ARHGEF12: variants seen among roughly 807,000 people sequenced by gnomAD.
ARHGEF12 encodes KMT2A/ARHGEF12 fusion protein.
A neutral mutation model predicts 211.2 loss-of-function variants in ARHGEF12; 66 were observed. The ratio of observed to expected loss-of-function variants is 0.31; its 90% CI spans 0.26 to 0.38. The LOEUF (loss-of-function observed/expected upper bound fraction) is 0.38, where lower values mean the gene tolerates loss of function less well. Among genes scored for constraint, ARHGEF12 ranks in the 10% least tolerant of loss-of-function variants. The pLI, the probability that ARHGEF12 is intolerant of heterozygous loss-of-function variation, is 1.00. For missense variants in ARHGEF12, 1,429 were observed against 1,869.5 expected, an observed-to-expected ratio of 0.76 and a Z score of 4.34; for synonymous variants, 592 against 638.4, an observed-to-expected ratio of 0.93 and a Z score of 1.09.
rs1277783751 is a variant in ARHGEF12 at position 120,446,565 on chromosome 11, TAAG to T, written c.1451+60_1451+62del. On this transcript the variant is annotated intron_variant, in intron 17 of 40. Transcript: ENST00000397843. ...ATTATTCTAAATTAATTTTTTTAGT[TAAG>T]AAAAAGTTGCTCATTAAATACTTAG... 2.2e-5 allele frequency: 30 copies of T among 1,365,040 alleles called. No individual in the cohort carries two copies. The East Asian group carries it at 7.5e-4, about 34-fold the overall frequency. 84.6% of individuals were successfully genotyped at this position (1,365,040 alleles called of 1,614,324 possible). A position where few individuals can be genotyped will look rare whatever the true frequency, so the allele number is the denominator to read the frequency against.
intron 8 of ARHGEF12, 131 bp downstream of exon 8, chr11:120,428,378 T>C (rs749999246): frequency 4.5e-5 from 34 of 756,524 alleles, no homozygotes; most frequent in African/African-American, 3.8e-4. Context: ...TTTACTAATA[T>C]AAAAATTACA....
chr11:120,385,592 G>A (rs652813), intron 1 of ARHGEF12: 465,548 of 531,022 alleles, frequency 0.88, 204,636 homozygotes, highest in East Asian at 1. Flanking sequence ...GAATAAAATA[G>A]AAAGGAAAAG....
In ARHGEF12 at chr11:120,356,821, A is replaced by C. The variant is rs182237146; in HGVS notation, c.32+19546A>C. Among the ~76,000 whole-genome samples, 486 of 152,254 alleles carry C rather than the reference A, an allele frequency of 3.2e-3. 7 individuals carry two copies. Among genetic ancestry groups the C allele is most frequent in the African/African-American group, 0.011 (471 of 41,548 alleles). On this transcript the variant is annotated intron_variant, in intron 1 of 40. Transcript: ENST00000397843. ...TAGTAACCCAACCATTAATCTCTCC[A>C]TGCAAAATACATGTATTGACTAAAA... is the stretch of plus-strand genomic sequence containing the variant.
At chr11:120,400,423 T>C (rs1944521822) in intron 1 of ARHGEF12, among the ~76,000 whole-genome samples, 1 of 152,174 alleles carries the variant, frequency 6.6e-6, no homozygotes, top group African/African-American at 2.4e-5. Context: ...TGGTGTTCAC[T>C]GAGGTGAGGA....
In ARHGEF12 at chr11:120,357,491, T is replaced by C. The variant is rs1943161743; in HGVS notation, c.32+20216T>C. On this transcript the variant is annotated intron_variant, in intron 1 of 40. Transcript: ENST00000397843. The stretch of plus-strand genomic sequence containing the variant: ...ATCACAGACAGCTTCATAGAGGAGA[T>C]GAATATATTTGCTGAATCCTGGAAT... Among the ~76,000 whole-genome samples the C allele has an allele frequency of 2.0e-5, 3 of 152,130 alleles. No individual in the cohort carries two copies. The South Asian group carries it at 6.2e-4, about 31-fold the overall frequency.
chr11:120,447,059 G>T lies in ARHGEF12; in HGVS notation c.1563G>T (p.Gln521His). ...AGAAGGAGCGGACATGTGCAGAACA[G>T]ATTGTTGCCAAAATTGAAGAAGTAT... ...TLEKERTCAE[Q>H]IVAKIEEVLM... Residue 521 changes from glutamine (Q) to histidine (H), a missense_variant, in exon 18 of 41, where the codon CAG becomes CAT. This residue lies in a region of ARHGEF12 where 373 missense variants were observed against 467.5 expected (regional missense o/e 0.80). Transcript: ENST00000397843. 6.2e-7 allele frequency: 1 copy of T among 1,613,944 alleles called. No individual in the cohort carries two copies. The highest frequency in any genetic ancestry group is 8.5e-7 in the Non-Finnish European group (1 of 1,179,918).
At chr11:120,394,324 C>T (rs902402273) in intron 1 of ARHGEF12, among the ~76,000 whole-genome samples, 1 of 151,606 alleles carries the variant, frequency 6.6e-6, no homozygotes, top group African/African-American at 2.4e-5. Flanking sequence ...GCTGTCCCCA[C>T]CTTATCCTCC....
At position 120,407,781 on chromosome 11, in the gene ARHGEF12, C is replaced by G; in HGVS notation, c.100C>G (p.Gln34Glu). The G allele has an allele frequency of 6.2e-7, 1 of 1,613,366 alleles. No homozygotes were observed. The highest frequency in any genetic ancestry group is 8.5e-7 in the Non-Finnish European group (1 of 1,179,672). Residue 34 changes from glutamine to glutamate, a missense_variant, in exon 3 of 41, where the codon CAG becomes GAG. Physicochemically the swap from Gln to Glu is conservative, Grantham distance 29. Transcript: ENST00000397843. The stretch of plus-strand genomic sequence containing the variant: ...CCGAGAGTCACCAACAGATAAGAAG[C>G]AGAAAGTTGAGCGCATTGCATCACA... Reference protein sequence around the residue: ...LNRESPTDKKQKVERIASHDF... With the variant: ...LNRESPTDKKEKVERIASHDF...
intron 15 of ARHGEF12, 63 bp downstream of exon 15, chr11:120,442,265 T>A: frequency 8.1e-7 from 1 of 1,233,854 alleles, no homozygotes. Flanking sequence ...TCCTCCTGCT[T>A]CCTATCTTCC....
chr11:120,352,486 AT>A, intron 1 of ARHGEF12, among the ~76,000 whole-genome samples: 1 of 152,224 alleles, frequency 6.6e-6, no homozygotes, highest in African/African-American at 2.4e-5. Context: ...TGGAGATAAT[AT>A]TTTTATTTGC....
intron 26 of ARHGEF12, among the ~76,000 whole-genome samples, chr11:120,460,400 CTT>C (rs940848827): frequency 3.9e-5 from 6 of 152,134 alleles, no homozygotes; most frequent in African/African-American, 1.4e-4. Flanking sequence ...TAGATGGAGT[CTT>C]GAGGTTCAAT....
chr11:120,381,358 C>T (rs745536996), intron 1 of ARHGEF12, among the ~76,000 whole-genome samples: 2 of 152,184 alleles, frequency 1.3e-5, no homozygotes, highest in Non-Finnish European at 2.9e-5. Flanking sequence ...CCATAAGAAA[C>T]CTGGCTCCAG....
chr11:120,423,632 T>C (rs983304574), intron 6 of ARHGEF12, among the ~76,000 whole-genome samples: 2 of 152,062 alleles, frequency 1.3e-5, no homozygotes, highest in African/African-American at 4.8e-5. Context: ...CCAGTCGTAA[T>C]GTATAATGTT....
rs762858804 is a variant in ARHGEF12, at chr11:120,489,242, G to T, written c.*4165G>T. ...CCCTAGCATGTGGGGCAGGTTTGTT[G>T]TTTTTTTAATAGCTTTATTGAGATA... On this transcript the variant is annotated 3_prime_UTR_variant, in exon 41 of 41. Coordinates refer to ENST00000397843, the MANE Select transcript of ARHGEF12 (RefSeq NM_015313.3). 1 of 228,030 alleles carries T rather than the reference G, an allele frequency of 4.4e-6. No homozygotes were observed. The highest frequency in any genetic ancestry group is 5.7e-5 in the Admixed American group (1 of 17,590). The allele number at this position is 228,030 out of a possible 1,614,324, so 14.1% of individuals were successfully genotyped here.
chr11:120,409,248 C>A, intron 3 of ARHGEF12, 146 bp from the exon 4 acceptor site: 2 of 670,940 alleles, frequency 3.0e-6, no homozygotes, highest in Non-Finnish European at 5.1e-6. Flanking sequence ...TGTGACTATT[C>A]TAAGTGCTGT....
chr11:120,414,282 T>C (rs1374612965), intron 4 of ARHGEF12, among the ~76,000 whole-genome samples: 4 of 152,160 alleles, frequency 2.6e-5, no homozygotes, highest in Non-Finnish European at 4.4e-5. Context: ...AGAGGAGTTA[T>C]TTTGGGGTAG....
At chr11:120,432,837 T>G (rs767151751) in intron 11 of ARHGEF12, among the ~76,000 whole-genome samples, 27 of 152,338 alleles carry the variant, frequency 1.8e-4, no homozygotes, top group Non-Finnish European at 3.4e-4. Flanking sequence ...AAGCCATCAT[T>G]CAGGCTATCT....
chr11:120,484,995 C>T (rs1208272519), intron 40 of ARHGEF12, 72 bp from the exon 41 acceptor site: 1 of 1,496,542 alleles, frequency 6.7e-7, no homozygotes, highest in Non-Finnish European at 9.2e-7. Flanking sequence ...CCACAGATGT[C>T]ATGGGTATTC....
At chr11:120,414,132 TAAAAG>T (rs1207673242) in intron 4 of ARHGEF12, among the ~76,000 whole-genome samples, 4 of 152,132 alleles carry the variant, frequency 2.6e-5, no homozygotes, top group African/African-American at 4.8e-5. Flanking sequence ...GATAAGGAAA[TAAAAG>T]AAATGGATAG....
Sources: gnomAD v4.1 joint callset for allele counts (sites outside exome capture counted in the v4.1 genomes callset) on GRCh38, gnomAD v4.1.1 for gene constraint, gnomAD v4.1.1 regional missense constraint, MANE v1.5 for transcripts, NCBI Gene and HGNC (gene_info 2026-07-23, HGNC 2026-07-21) for gene names.